ROR2: variants seen among roughly 807,000 people sequenced by gnomAD.
ROR2 encodes the protein ROR family WNT receptor 2, also known as tyrosine-protein kinase transmembrane receptor ROR2.
ROR2 carries 33 observed loss-of-function variants against 74.9 expected under a neutral mutation model. The ratio of observed to expected loss-of-function variants is 0.44; its 90% CI spans 0.33 to 0.59. ROR2 has a LOEUF of 0.59. Ranked by LOEUF, ROR2 falls within the 20% of genes least tolerant of loss-of-function variation. ROR2 has a pLI of 0.02. For synonymous variants in ROR2, 586 were observed against 558.7 expected, an observed-to-expected ratio of 1.05 and a Z score of -0.69; for missense variants, 1,216 against 1,313.8, an observed-to-expected ratio of 0.93 and a Z score of 1.15.
chr9:91,733,168 A>C lies in ROR2; in HGVS notation c.891T>G (p.Ala297=). The change falls in exon 6 of 9, where the codon GCT becomes GCG. Residue 297 remains alanine (A), a synonymous_variant. Coordinates refer to ENST00000375708, the MANE Select transcript of ROR2 (RefSeq NM_004560.4). This position sits in a 1 kb window ranked among gnomAD's most constrained non-coding sequence, Gnocchi z 5.7. The stretch of plus-strand genomic sequence containing the variant: ...GGATGCCAATGCGCATGCAGTTGGC[A>C]GCGTCGGGGCTCTCAGGCATGGGCA... ...EALPMPESPD[A]ANCMRIGIPA... is the part of the protein sequence containing the mutation. 6.2e-7 allele frequency: 1 copy of C among 1,607,254 alleles called. No homozygotes were observed. The highest frequency in any genetic ancestry group is 8.5e-7 in the Non-Finnish European group (1 of 1,177,972).
At chr9:91,940,606 T>C (rs1831822973) in intron 1 of ROR2, among the ~76,000 whole-genome samples, 1 of 151,686 alleles carries the variant, frequency 6.6e-6, no homozygotes, top group Admixed American at 6.6e-5. Context: ...TTTTTTTTTT[T>C]TTTCTTGAGA....
intron 1 of ROR2, among the ~76,000 whole-genome samples, chr9:91,899,338 G>A (rs1226620299): frequency 6.6e-6 from 1 of 152,210 alleles, no homozygotes; most frequent in Non-Finnish European, 1.5e-5. Flanking sequence ...GGGAGCAGCA[G>A]ACAGAGCAGG....
At chr9:91,745,426 A>AT (rs72432798) in intron 4 of ROR2, among the ~76,000 whole-genome samples, 62,695 of 99,036 alleles carry the variant, frequency 0.63, 20,876 homozygotes, top group Non-Finnish European at 0.65. Context: ...TGCCCAGCCT[A>AT]TTTTTTTTTT....
chr9:91,931,025 CAAAG>C (rs1449440078), intron 1 of ROR2, among the ~76,000 whole-genome samples: 1 of 151,164 alleles, frequency 6.6e-6, no homozygotes, highest in African/African-American at 2.4e-5. Context: ...ACATAAAAGT[CAAAG>C]AAAACAAACA....
intron 1 of ROR2, among the ~76,000 whole-genome samples, chr9:91,809,226 A>G (rs952414195): frequency 6.6e-6 from 1 of 152,134 alleles, no homozygotes; most frequent in African/African-American, 2.4e-5. Context: ...TTATGCCAAT[A>G]TTCCCTGGAA....
At chr9:91,758,697 G>A (rs188123279) in intron 2 of ROR2, among the ~76,000 whole-genome samples, 1 of 152,334 alleles carries the variant, frequency 6.6e-6, no homozygotes, top group African/African-American at 2.4e-5. Flanking sequence ...GCCCAGTACA[G>A]CCACAGGCAG....
At chr9:91,837,225 A>C (rs1453541183) in intron 1 of ROR2, among the ~76,000 whole-genome samples, 1 of 152,086 alleles carries the variant, frequency 6.6e-6, no homozygotes, top group Non-Finnish European at 1.5e-5. Flanking sequence ...GATCTCAGCC[A>C]CCACGCCCAG....
At chr9:91,818,733 C>T (rs913786085) in intron 1 of ROR2, among the ~76,000 whole-genome samples, 9 of 152,136 alleles carry the variant, frequency 5.9e-5, no homozygotes, top group African/African-American at 1.4e-4. Context: ...GGGGTCTTAG[C>T]GACTGCCCCA....
rs531908238 is a variant in ROR2, at chr9:91,733,030, C to A, written c.937+92G>T. 130 of 1,269,248 alleles carry A rather than the reference C, an allele frequency of 1.0e-4. No homozygotes were observed. In the East Asian group the frequency reaches 3.3e-3, roughly 32 times the overall value. 78.6% of individuals were successfully genotyped at this position (1,269,248 alleles called of 1,614,324 possible). Reference sequence around the variant, plus strand: ...TTCTGTGGGGCCTGGACAGATGGGGCTCCCTGGGCTTCACCGACACCCCCA... The same window carrying A: ...TTCTGTGGGGCCTGGACAGATGGGGATCCCTGGGCTTCACCGACACCCCCA... On this transcript the variant is annotated intron_variant, in intron 6 of 8. Transcript: ENST00000375708. This position sits in a 1 kb window ranked among gnomAD's most constrained non-coding sequence, Gnocchi z 5.7.
At position 91,724,109 on chromosome 9, in the gene ROR2, G is replaced by C; in HGVS notation, c.2385C>G (p.Pro795=). 1.2e-6 allele frequency: 2 copies of C among 1,610,952 alleles called. No individual in the cohort carries two copies. The highest frequency in any genetic ancestry group is 1.7e-6 in the Non-Finnish European group (2 of 1,179,952). The change falls in exon 9 of 9, where the codon CCC becomes CCG. Residue 795 remains proline (P), a synonymous_variant. Transcript: ENST00000375708. ...RYVGPKQKAP[P]FPQPQFIPMK... ...TGGGGATGAACTGGGGCTGTGGGAA[G>C]GGCGGGGCCTTCTGCTTGGGCCCCA...
intron 1 of ROR2, among the ~76,000 whole-genome samples, chr9:91,851,738 A>G (rs1829098810): frequency 6.6e-6 from 1 of 152,066 alleles, no homozygotes; most frequent in East Asian, 1.9e-4. Flanking sequence ...GCACTTTGGG[A>G]GGCCGAAGCG....
chr9:91,768,492 C>G (rs1444151489), intron 2 of ROR2, among the ~76,000 whole-genome samples: 2 of 152,208 alleles, frequency 1.3e-5, no homozygotes, highest in Non-Finnish European at 2.9e-5. Flanking sequence ...GTCTCAAATC[C>G]AGCAAGCTCA....
rs375647137 is a variant in ROR2, at chr9:91,812,323, G to C, written c.98-36505C>G. 8.5e-5 allele frequency among the ~76,000 whole-genome samples: 13 copies of C among 152,188 alleles called. No homozygotes were observed. In the East Asian group the frequency reaches 1.5e-3, roughly 18 times the overall value. ...GGGCGGATTTAGCAAACAGGTCGTT[G>C]AGATTACCCGATCCTTCTATTTTTC... On this transcript the variant is annotated intron_variant, in intron 1 of 8. Coordinates refer to ENST00000375708, the MANE Select transcript of ROR2 (RefSeq NM_004560.4).
At chr9:91,789,893 G>A (rs1711686745) in intron 1 of ROR2, among the ~76,000 whole-genome samples, 1 of 151,882 alleles carries the variant, frequency 6.6e-6, no homozygotes, top group African/African-American at 2.4e-5. Context: ...CTGGCAGAAT[G>A]GATTTAAAAA....
At chr9:91,910,332 C>T (rs1449232924) in intron 1 of ROR2, among the ~76,000 whole-genome samples, 1 of 152,202 alleles carries the variant, frequency 6.6e-6, no homozygotes, top group Non-Finnish European at 1.5e-5. Context: ...TCCAAAATAT[C>T]TGGGCTTATT....
chr9:91,846,296 A>T (rs1260173891), intron 1 of ROR2, among the ~76,000 whole-genome samples: 1 of 152,214 alleles, frequency 6.6e-6, no homozygotes, highest in East Asian at 1.9e-4. Context: ...GGAGGCAGTC[A>T]AGGTTAAAAG....
At chr9:91,892,258 T>C (rs530406442) in intron 1 of ROR2, among the ~76,000 whole-genome samples, 1 of 152,302 alleles carries the variant, frequency 6.6e-6, no homozygotes, top group Admixed American at 6.5e-5. Flanking sequence ...AGCACATCCT[T>C]GGGTAGGGCC....
At chr9:91,751,701 TTAA>T (rs1319549492) in intron 4 of ROR2, among the ~76,000 whole-genome samples, 1 of 151,912 alleles carries the variant, frequency 6.6e-6, no homozygotes, top group African/African-American at 2.4e-5. Flanking sequence ...AATAACATAC[TTAA>T]TACTCAATCT....
intron 1 of ROR2, among the ~76,000 whole-genome samples, chr9:91,897,051 G>A (rs892864370): frequency 2.6e-5 from 4 of 152,178 alleles, no homozygotes; most frequent in African/African-American, 9.7e-5. Flanking sequence ...TTCCGTGTTC[G>A]GTGCAATGCA....
Sources: gnomAD v4.1 joint callset for allele counts (sites outside exome capture counted in the v4.1 genomes callset) on GRCh38, gnomAD v4.1.1 for gene constraint, Gnocchi (gnomAD v3.1) non-coding constraint, MANE v1.5 for transcripts, NCBI Gene and HGNC (gene_info 2026-07-23, HGNC 2026-07-21) for gene names.